ANKRD30B: variants seen among roughly 807,000 people sequenced by gnomAD.
ANKRD30B encodes ankyrin repeat domain 30B.
ANKRD30B carries 144 observed loss-of-function variants against 202.2 expected under a neutral mutation model. That is an observed-to-expected ratio of 0.71 (90% CI 0.62 to 0.82). The LOEUF (loss-of-function observed/expected upper bound fraction) is 0.82. Among genes scored for constraint, ANKRD30B ranks in the 40% least tolerant of loss-of-function variants. The pLI, the probability that ANKRD30B is intolerant of heterozygous loss-of-function variation, is 0.00. For missense variants in ANKRD30B, 1,487 were observed against 1,669.1 expected, an observed-to-expected ratio of 0.89 and a Z score of 1.90; for synonymous variants, 508 against 561.3, an observed-to-expected ratio of 0.91 and a Z score of 1.34.
chr18:14,820,395 C>A (rs1399635921), intron 30 of ANKRD30B, among the ~76,000 whole-genome samples: 1 of 152,166 alleles, frequency 6.6e-6, no homozygotes, highest in Admixed American at 6.5e-5. Context: ...ACTTCCAACA[C>A]TATGTTGAAC....
At chr18:14,823,737 A>G (rs1306939798) in intron 32 of ANKRD30B, among the ~76,000 whole-genome samples, 3 of 152,092 alleles carry the variant, frequency 2.0e-5, no homozygotes. Flanking sequence ...ATTTTGGGAG[A>G]CCAAGGTGGG....
the ANKRD30B span, among the ~76,000 whole-genome samples, chr18:14,908,002 G>A: frequency 3.9e-5 from 6 of 152,118 alleles, no homozygotes; most frequent in South Asian, 4.1e-4. Context: ...ATGCATATAC[G>A]TGCGCAGGAG....
chr18:14,847,755 T>C (rs1436106743), intron 39 of ANKRD30B, among the ~76,000 whole-genome samples: 1 of 151,804 alleles, frequency 6.6e-6, no homozygotes, highest in Admixed American at 6.6e-5. Flanking sequence ...AGACTATTCA[T>C]TTTCCTGTGA....
In ANKRD30B at chr18:14,763,766, A is replaced by G. The variant is rs968698439; in HGVS notation, c.901A>G (p.Lys301Glu). The G allele has an allele frequency of 3.7e-6, 6 of 1,613,950 alleles. No homozygotes were observed. Among genetic ancestry groups the G allele is most frequent in the African/African-American group, 1.3e-5 (1 of 74,914 alleles). Residue 301 changes from lysine (K) to glutamate (E), a missense_variant, in exon 7 of 44, where the codon AAA (lysine) becomes GAA (glutamate). Around this residue, in one of 6 missense-constraint regions of ANKRD30B, gnomAD observed 889 missense variants for 841.4 expected, o/e 1.06. Coordinates refer to ENST00000690538, the MANE Select transcript of ANKRD30B (RefSeq NM_001367607.2). ...TPDTAESLLE[K>E]TPDEAARLVE... ...TGACACGGCTGAAAGCTTGCTGGAAAAAACACCTGACGAGGCTGCACGCTT... is the reference window on the plus strand; with the variant it reads ...TGACACGGCTGAAAGCTTGCTGGAAGAAACACCTGACGAGGCTGCACGCTT...
the ANKRD30B span, among the ~76,000 whole-genome samples, chr18:14,930,861 C>T: frequency 6.6e-6 from 1 of 152,232 alleles, no homozygotes; most frequent in Non-Finnish European, 1.5e-5. Flanking sequence ...TGATAATTTT[C>T]TGCTAACCTA....
chr18:14,862,386 T>C, the ANKRD30B span, among the ~76,000 whole-genome samples: 1 of 151,994 alleles, frequency 6.6e-6, no homozygotes, highest in African/African-American at 2.4e-5. Flanking sequence ...AGTTAGATTA[T>C]ACAAGAAAAA....
At chr18:14,906,548 TAA>T in the ANKRD30B span, among the ~76,000 whole-genome samples, 1 of 152,228 alleles carries the variant, frequency 6.6e-6, no homozygotes, top group Non-Finnish European at 1.5e-5. Flanking sequence ...CACATTGAAC[TAA>T]ATGTATGGTT....
At chr18:14,791,552 A>T in intron 16 of ANKRD30B, 61 bp downstream of exon 16, 1 of 1,336,042 alleles carries the variant, frequency 7.5e-7, no homozygotes, top group South Asian at 1.3e-5. Flanking sequence ...ACTGATGAGG[A>T]AGGATATCCT....
At chr18:14,921,698 T>C in the ANKRD30B span, among the ~76,000 whole-genome samples, 2 of 151,784 alleles carry the variant, frequency 1.3e-5, no homozygotes, top group African/African-American at 4.8e-5. Flanking sequence ...ACACAGAGAG[T>C]TGGCAGGTAA....
downstream of ANKRD30B, among the ~76,000 whole-genome samples, chr18:14,855,004 T>G (rs1972040255): frequency 6.6e-6 from 1 of 152,158 alleles, no homozygotes; most frequent in African/African-American, 2.4e-5. Context: ...GGTCAGCAGA[T>G]AAACACGTGA....
At chr18:14,790,194 C>G (rs1162554591) in intron 15 of ANKRD30B, among the ~76,000 whole-genome samples, 2 of 152,100 alleles carry the variant, frequency 1.3e-5, no homozygotes, top group African/African-American at 4.8e-5. Context: ...CTCTGTTTGT[C>G]TGTTATTGGT....
At chr18:14,891,972 T>G in the ANKRD30B span, among the ~76,000 whole-genome samples, 1 of 152,376 alleles carries the variant, frequency 6.6e-6, no homozygotes, top group African/African-American at 2.4e-5. Flanking sequence ...GTTAGGTTGG[T>G]GCAAAAGTAA....
At chr18:14,819,266 T>C (rs1202799524) in intron 30 of ANKRD30B, among the ~76,000 whole-genome samples, 1 of 151,152 alleles carries the variant, frequency 6.6e-6, no homozygotes, top group Non-Finnish European at 1.5e-5. Context: ...ATATTAGCCC[T>C]TTGTCAGATG....
intron 22 of ANKRD30B, among the ~76,000 whole-genome samples, chr18:14,799,565 G>T (rs1192738297): frequency 1.3e-5 from 2 of 152,048 alleles, no homozygotes; most frequent in Admixed American, 6.6e-5. Context: ...TTCTGTACGT[G>T]CTCGGTTTTA....
At chr18:14,865,192 C>T in the ANKRD30B span, among the ~76,000 whole-genome samples, 5 of 151,676 alleles carry the variant, frequency 3.3e-5, no homozygotes, top group African/African-American at 1.2e-4. Context: ...ATCGTCTTTT[C>T]GCAAAACCTT....
the ANKRD30B span, among the ~76,000 whole-genome samples, chr18:14,937,588 C>CA: frequency 6.6e-6 from 1 of 152,142 alleles, no homozygotes; most frequent in East Asian, 1.9e-4. Flanking sequence ...TTGGAGGCCT[C>CA]TAAAGGGCAT....
At chr18:14,918,895 T>C in the ANKRD30B span, among the ~76,000 whole-genome samples, 1 of 152,138 alleles carries the variant, frequency 6.6e-6, no homozygotes. Flanking sequence ...TGGGTTAATG[T>C]TGTTATGAAA....
Position 14,817,517 on chromosome 18 carries a change from T to G in ANKRD30B, c.2641+2806T>G, listed in dbSNP as rs1970179194. Among the ~76,000 whole-genome samples, 3 of 152,186 alleles carry G rather than the reference T, an allele frequency of 2.0e-5. No homozygotes were observed. The South Asian group carries it at 6.2e-4, about 32-fold the overall frequency. On this transcript the variant is annotated intron_variant, in intron 30 of 43. Transcript: ENST00000690538. ...TCCTAAATGCCAAGTGATAAACGGT[T>G]CGTTGATGATGAGATAGCTCTGAAT...
In ANKRD30B at chr18:14,848,585, A is replaced by G. The variant is rs574584437; in HGVS notation, c.3182-131A>G. On this transcript the variant is annotated intron_variant, in intron 39 of 43. Coordinates refer to ENST00000690538, the MANE Select transcript of ANKRD30B (RefSeq NM_001367607.2). ...TTCTGTTTAATCTGCAGAGCTTAGTATAATGCCTTCCACATGGTAGGCAAT... is the reference window on the plus strand; with the variant it reads ...TTCTGTTTAATCTGCAGAGCTTAGTGTAATGCCTTCCACATGGTAGGCAAT... 162 of 648,486 alleles carry G rather than the reference A, an allele frequency of 2.5e-4. 2 individuals carry two copies. The South Asian group carries it at 6.0e-3, about 24-fold the overall frequency. 40.2% of individuals were successfully genotyped at this position (648,486 alleles called of 1,614,324 possible).
Sources: gnomAD v4.1 joint callset for allele counts (sites outside exome capture counted in the v4.1 genomes callset) on GRCh38, gnomAD v4.1.1 for gene constraint, gnomAD v4.1.1 regional missense constraint, MANE v1.5 for transcripts, NCBI Gene and HGNC (gene_info 2026-07-23, HGNC 2026-07-21) for gene names.